ACVR1: variants seen among roughly 807,000 people sequenced by gnomAD.
The protein encoded by ACVR1 is activin receptor type-1.
Under a neutral mutation model 57.1 loss-of-function variants are expected in ACVR1, and 38 were observed. The ratio of observed to expected loss-of-function variants is 0.67; its 90% CI spans 0.51 to 0.87. The LOEUF is 0.87. Among genes scored for constraint, ACVR1 ranks in the 40% least tolerant of loss-of-function variants. ACVR1 has a pLI of 0.00. For synonymous variants in ACVR1, 212 were observed against 228.1 expected (o/e 0.93, Z 0.63); for missense variants, 463 against 638.2 (o/e 0.73, Z 2.96).
chr2:157,761,681 T>A (rs1326011673), intron 8 of ACVR1, among the ~76,000 whole-genome samples: 1 of 152,164 alleles, frequency 6.6e-6, no homozygotes, highest in African/African-American at 2.4e-5. Flanking sequence ...AGCACAACTC[T>A]CAGGTTAAAT....
At chr2:157,778,953 A>G (rs1031338537) in intron 4 of ACVR1, among the ~76,000 whole-genome samples, 1 of 152,142 alleles carries the variant, frequency 6.6e-6, no homozygotes, top group Non-Finnish European at 1.5e-5. Flanking sequence ...ACCCATTTCC[A>G]TATTACTGGT....
chr2:157,830,284 T>C (rs1688537497), intron 1 of ACVR1, among the ~76,000 whole-genome samples: 1 of 152,084 alleles, frequency 6.6e-6, no homozygotes, highest in South Asian at 2.1e-4. Flanking sequence ...TGATAATGGA[T>C]TCAAAGCAGA....
chr2:157,743,422 G>A (rs74425375), intron 9 of ACVR1, among the ~76,000 whole-genome samples: 3,539 of 151,800 alleles, frequency 0.023, 132 homozygotes, highest in African/African-American at 0.08. Context: ...CCTTTAAATC[G>A]GATATTCTGG....
At chr2:157,777,214 T>A (rs1348910225) in intron 5 of ACVR1, among the ~76,000 whole-genome samples, 1 of 152,230 alleles carries the variant, frequency 6.6e-6, no homozygotes, top group African/African-American at 2.4e-5. Context: ...TTTTTTAATG[T>A]GATTTTATCA....
At chr2:157,857,344 G>A (rs534860496) in intron 1 of ACVR1, among the ~76,000 whole-genome samples, 138 of 151,684 alleles carry the variant, frequency 9.1e-4, no homozygotes, top group African/African-American at 3.2e-3. Flanking sequence ...CGACACCCAC[G>A]GTCTCAACAA....
chr2:157,870,164 C>T (rs1690070843), intron 1 of ACVR1, among the ~76,000 whole-genome samples: 1 of 152,180 alleles, frequency 6.6e-6, no homozygotes, highest in Admixed American at 6.5e-5. Context: ...TTCCTCAGTA[C>T]CCACGTTCCA....
chr2:157,844,572 G>C (rs889907849), intron 1 of ACVR1, among the ~76,000 whole-genome samples: 1 of 152,076 alleles, frequency 6.6e-6, no homozygotes, highest in African/African-American at 2.4e-5. Flanking sequence ...ATCACACCAG[G>C]ATTTTTACTT....
intron 5 of ACVR1, among the ~76,000 whole-genome samples, chr2:157,774,654 A>G (rs1213458695): frequency 6.6e-6 from 1 of 152,216 alleles, no homozygotes; most frequent in East Asian, 1.9e-4. Flanking sequence ...ATGAGCCACC[A>G]CGCCTGGCCA....
intron 1 of ACVR1, among the ~76,000 whole-genome samples, chr2:157,820,797 C>A (rs1338070832): frequency 6.6e-6 from 1 of 152,112 alleles, no homozygotes; most frequent in East Asian, 1.9e-4. Flanking sequence ...AATTCTCTGC[C>A]ATGCACTGGG....
chr2:157,797,505 T>A (rs1687165547), intron 3 of ACVR1, among the ~76,000 whole-genome samples: 1 of 152,216 alleles, frequency 6.6e-6, no homozygotes. Flanking sequence ...CTGCTCAATG[T>A]GCAATAGAGT....
At chr2:157,738,601 T>C (rs1684632593) in intron 9 of ACVR1, 31 bp from the exon 10 acceptor site, 1 of 1,613,758 alleles carries the variant, frequency 6.2e-7, no homozygotes, top group Admixed American at 1.7e-5. Context: ...TGTGTTCGGT[T>C]AGCAAGAGAG....
At chr2:157,827,365 G>A (rs1688421611) in intron 1 of ACVR1, among the ~76,000 whole-genome samples, 1 of 152,138 alleles carries the variant, frequency 6.6e-6, no homozygotes, top group Admixed American at 6.6e-5. Context: ...ATCCAATAAA[G>A]TTAGGTAAAA....
chr2:157,762,250 TGAGA>T (rs1685687364), intron 8 of ACVR1, among the ~76,000 whole-genome samples: 1 of 152,240 alleles, frequency 6.6e-6, no homozygotes, highest in Non-Finnish European at 1.5e-5. Context: ...TTAAGTATTT[TGAGA>T]GAGATACCAT....
chr2:157,783,781 C>CT (rs1174891637), intron 3 of ACVR1, among the ~76,000 whole-genome samples: 11 of 152,298 alleles, frequency 7.2e-5, no homozygotes, highest in Admixed American at 6.5e-4. Context: ...GTTCCTCATC[C>CT]ACTGTTCAAT....
chr2:157,844,262 G>A (rs1689062835), intron 1 of ACVR1, among the ~76,000 whole-genome samples: 1 of 152,162 alleles, frequency 6.6e-6, no homozygotes. Context: ...AGACTGCCAA[G>A]AGCCCAGGTA....
intron 9 of ACVR1, among the ~76,000 whole-genome samples, chr2:157,748,741 TGC>T: frequency 6.6e-6 from 1 of 152,156 alleles, no homozygotes; most frequent in African/African-American, 2.4e-5. Flanking sequence ...AGATCCACTC[TGC>T]TATTAGGAAA....
intron 5 of ACVR1, among the ~76,000 whole-genome samples, chr2:157,777,285 G>A (rs1375736243): frequency 6.6e-6 from 1 of 152,152 alleles, no homozygotes; most frequent in African/African-American, 2.4e-5. Context: ...CTAACACTGT[G>A]CAGTCCAGCG....
chr2:157,872,426 T>C (rs1574173473), intron 1 of ACVR1, among the ~76,000 whole-genome samples: 1 of 152,278 alleles, frequency 6.6e-6, no homozygotes, highest in East Asian at 1.9e-4. Context: ...GTGCTAGATA[T>C]ATAAGACAAG....
chr2:157,756,963 T>TTATATATATTTATATATATATATTTGAGA (rs1553498977), intron 9 of ACVR1, among the ~76,000 whole-genome samples: 25 of 143,894 alleles, frequency 1.7e-4, no homozygotes, highest in African/African-American at 5.8e-4. Context: ...CACGTATTTT[T>TTATATATATTTATATATATATATTTGAGA]TATATATATT....
Sources: allele counts gnomAD v4.1 joint callset (sites outside exome capture counted in the v4.1 genomes callset), GRCh38; gene constraint gnomAD v4.1.1; transcripts MANE v1.5; gene names NCBI Gene and HGNC (gene_info 2026-07-23, HGNC 2026-07-21).